MITF: variants seen among roughly 807,000 people sequenced by gnomAD.
MITF encodes the protein microphthalmia-associated transcription factor.
A neutral mutation model predicts 60.5 loss-of-function variants in MITF; 17 were observed. That is an observed-to-expected ratio of 0.28 (90% confidence interval 0.19 to 0.42). The LOEUF (loss-of-function observed/expected upper bound fraction) is 0.42. MITF is among the 10% of genes least tolerant of loss of function. MITF has a pLI of 1.00. For synonymous variants in MITF, 260 were observed against 248.5 expected (o/e 1.05, Z -0.43); for missense variants, 622 against 683.5 (o/e 0.91, Z 1.00).
At chr3:69,789,184 A>G (rs2062700402) in intron 1 of MITF, among the ~76,000 whole-genome samples, 1 of 152,254 alleles carries the variant, frequency 6.6e-6, no homozygotes, top group Non-Finnish European at 1.5e-5. Context: ...TGACACAATC[A>G]TCAGACTGCA....
chr3:69,795,481 T>C (rs1401363769), intron 1 of MITF, among the ~76,000 whole-genome samples: 1 of 152,218 alleles, frequency 6.6e-6, no homozygotes, highest in Non-Finnish European at 1.5e-5. Context: ...ATCTTAGCAC[T>C]TTGGGAGGCC....
At chr3:69,785,531 A>C (rs963200606) in intron 1 of MITF, among the ~76,000 whole-genome samples, 1 of 151,948 alleles carries the variant, frequency 6.6e-6, no homozygotes, top group Non-Finnish European at 1.5e-5. Context: ...ATAGTACCAT[A>C]CTCTTTGACA....
Position 69,946,172 on chromosome 3 carries a change from G to T in MITF, c.763-2879G>T, listed in dbSNP as rs538679719. ...CTATTAAATCTTATAAGACCCCTGT[G>T]AGAAGAATGTTGTCACTTTTCAATT... On this transcript the variant is annotated intron_variant, in intron 5 of 9. Coordinates refer to ENST00000352241, the MANE Select transcript of MITF (RefSeq NM_001354604.2). 2.6e-5 allele frequency among the ~76,000 whole-genome samples: 4 copies of T among 152,266 alleles called. No individual in the cohort carries two copies. In the East Asian group the frequency reaches 7.7e-4, roughly 29 times the overall value.
At chr3:69,916,753 TA>T (rs900245525) in intron 2 of MITF, among the ~76,000 whole-genome samples, 11 of 152,182 alleles carry the variant, frequency 7.2e-5, no homozygotes, top group Non-Finnish European at 1.3e-4. Context: ...TTTTTTAAAG[TA>T]AAAAGTTTCG....
chr3:69,756,835 G>A (rs1704169178), intron 1 of MITF, among the ~76,000 whole-genome samples: 1 of 152,208 alleles, frequency 6.6e-6, no homozygotes, highest in Non-Finnish European at 1.5e-5. Context: ...TCTGACTGGT[G>A]TGAGATGGTA....
intron 7 of MITF, among the ~76,000 whole-genome samples, chr3:69,952,509 T>C (rs777911523): frequency 6.6e-6 from 1 of 152,194 alleles, no homozygotes; most frequent in Non-Finnish European, 1.5e-5. Flanking sequence ...GGATTGGGCT[T>C]GGAGGTAGGA....
At chr3:69,859,074 C>T (rs928025770) in intron 1 of MITF, among the ~76,000 whole-genome samples, 2 of 152,132 alleles carry the variant, frequency 1.3e-5, no homozygotes, top group Non-Finnish European at 2.9e-5. Flanking sequence ...GAATGCCTTA[C>T]CCAGAGTAAA....
chr3:69,905,244 G>A lies in MITF; in HGVS notation c.354+25861G>A, dbSNP rs143888107. ...TCATACCTTTTGTAGTTTCTTGGGAGAGAGGCCTGGCTTCTTTCACTCAGC... is the reference window on the plus strand; with the variant it reads ...TCATACCTTTTGTAGTTTCTTGGGAAAGAGGCCTGGCTTCTTTCACTCAGC... On this transcript the variant is annotated intron_variant, in intron 2 of 9. Coordinates refer to ENST00000352241, the MANE Select transcript of MITF (RefSeq NM_001354604.2). Among the ~76,000 whole-genome samples, 28 of 152,244 alleles carry A rather than the reference G, an allele frequency of 1.8e-4. No individual in the cohort carries two copies. The East Asian group carries it at 5.4e-3, about 29-fold the overall frequency.
chr3:69,949,225 A>G, intron 6 of MITF, 57 bp downstream of exon 6: 11 of 1,343,916 alleles, frequency 8.2e-6, no homozygotes, highest in South Asian at 4.7e-5. Flanking sequence ...TCCTGATAAG[A>G]CAAAGTTATT....
chr3:69,862,081 T>C (rs2064026383), intron 1 of MITF, among the ~76,000 whole-genome samples: 1 of 151,614 alleles, frequency 6.6e-6, no homozygotes, highest in African/African-American at 2.4e-5. Flanking sequence ...TTATATTATA[T>C]ATTAGTGGTT....
At chr3:69,747,192 A>T (rs755572617) in intron 1 of MITF, among the ~76,000 whole-genome samples, 1 of 152,232 alleles carries the variant, frequency 6.6e-6, no homozygotes, top group Non-Finnish European at 1.5e-5. Flanking sequence ...AGCATGGTGC[A>T]TACATCTTGG....
At chr3:69,769,850 G>A (rs574255556) in intron 1 of MITF, 1 of 152,304 alleles carries the variant, frequency 6.6e-6, no homozygotes, top group East Asian at 1.9e-4. Flanking sequence ...AATCCAGAAT[G>A]TCCAGTTAAA....
At chr3:69,803,970 T>C (rs1252548002) in intron 1 of MITF, among the ~76,000 whole-genome samples, 1 of 152,176 alleles carries the variant, frequency 6.6e-6, no homozygotes, top group East Asian at 1.9e-4. Flanking sequence ...TTTTCTGTTC[T>C]TGTCTAAATA....
intron 9 of MITF, among the ~76,000 whole-genome samples, chr3:69,962,831 T>A (rs1040875127): frequency 2.6e-5 from 4 of 152,214 alleles, no homozygotes; most frequent in African/African-American, 9.6e-5. Context: ...ATTACCCAGC[T>A]AGTGCTGCTG....
At chr3:69,781,668 G>T (rs1210835603) in intron 1 of MITF, among the ~76,000 whole-genome samples, 8 of 152,114 alleles carry the variant, frequency 5.3e-5, no homozygotes, top group Non-Finnish European at 1.2e-4. Context: ...CCAAAGGTTG[G>T]TCCTACTGCT....
At chr3:69,913,986 A>G (rs1575949653) in intron 2 of MITF, among the ~76,000 whole-genome samples, 1 of 152,320 alleles carries the variant, frequency 6.6e-6, no homozygotes, top group South Asian at 2.1e-4. Flanking sequence ...TATTCTCAGT[A>G]GAAGTTGTTT....
intron 1 of MITF, among the ~76,000 whole-genome samples, chr3:69,829,102 G>A (rs9825822): frequency 0.35 from 52,597 of 151,988 alleles, 10,034 homozygotes; most frequent in Non-Finnish European, 0.43. Context: ...GGAAAGAGTA[G>A]CTTTAGGTCT....
At chr3:69,761,872 GTTGTC>G (rs1172733160) in intron 1 of MITF, among the ~76,000 whole-genome samples, 1 of 152,188 alleles carries the variant, frequency 6.6e-6, no homozygotes, top group African/African-American at 2.4e-5. Context: ...ATGACATCAA[GTTGTC>G]TTGTCTACAT....
rs1420140107 is a variant in MITF at position 69,739,634 on chromosome 3, G to A, written c.37G>A (p.Val13Ile). Reference sequence around the variant, plus strand: ...ATCGGGGATCGTGCCGGATTTCGAAGTCGGGGAGGAGTTTCATGAAGAGCC... The same window carrying A: ...ATCGGGGATCGTGCCGGATTTCGAAATCGGGGAGGAGTTTCATGAAGAGCC... Reference protein sequence around the residue: ...SESGIVPDFEVGEEFHEEPKT... With the variant: ...SESGIVPDFEIGEEFHEEPKT... Residue 13 changes from valine to isoleucine, a missense_variant, in exon 1 of 10, where the codon GTC (valine) becomes ATC (isoleucine). By Grantham distance (29) the Val-to-Ile change is conservative (BLOSUM62 3). Transcript: ENST00000352241. 4 of 1,583,786 alleles carry A rather than the reference G, an allele frequency of 2.5e-6. No individual in the cohort carries two copies. The highest frequency in any genetic ancestry group is 3.4e-6 in the Non-Finnish European group (4 of 1,163,312).
Sources: gnomAD v4.1 joint callset for allele counts (sites outside exome capture counted in the v4.1 genomes callset) on GRCh38, gnomAD v4.1.1 for gene constraint, MANE v1.5 for transcripts, NCBI Gene and HGNC (gene_info 2026-07-23, HGNC 2026-07-21) for gene names.